LRBA: variants seen among roughly 807,000 people sequenced by gnomAD.
LRBA encodes the protein lipopolysaccharide-responsive and beige-like anchor protein.
Under a neutral mutation model 330.0 loss-of-function variants are expected in LRBA, and 176 were observed. The observed-to-expected ratio is 0.53, with a 90% CI of 0.47 to 0.60. The LOEUF is 0.60. Among genes scored for constraint, LRBA ranks in the 20% least tolerant of loss-of-function variants. LRBA has a pLI of 0.00. For missense variants in LRBA, 3,259 were observed against 3,444.8 expected (o/e 0.95, Z 1.35); for synonymous variants, 1,230 against 1,193.0 (o/e 1.03, Z -0.64).
At chr4:151,011,965 G>A (rs1024126635) in intron 2 of LRBA, among the ~76,000 whole-genome samples, 5 of 152,002 alleles carry the variant, frequency 3.3e-5, no homozygotes, top group African/African-American at 9.7e-5. Flanking sequence ...GCCACTGTGC[G>A]CAGCTGCTTC....
At chr4:150,785,053 G>T (rs1181453941) in intron 34 of LRBA, among the ~76,000 whole-genome samples, 4 of 152,200 alleles carry the variant, frequency 2.6e-5, no homozygotes, top group African/African-American at 7.2e-5. Context: ...CTGTGCGTGA[G>T]ATAAGAGTTT....
intron 36 of LRBA, among the ~76,000 whole-genome samples, chr4:150,718,797 T>A (rs138561727): frequency 3.6e-4 from 55 of 152,160 alleles, no homozygotes; most frequent in African/African-American, 1.3e-3. Flanking sequence ...AAACATAAAA[T>A]TAAATAGCTT....
At chr4:150,835,145 T>C (rs1326945475) in intron 28 of LRBA, among the ~76,000 whole-genome samples, 1 of 152,196 alleles carries the variant, frequency 6.6e-6, no homozygotes, top group African/African-American at 2.4e-5. Context: ...GAGGCCTCTG[T>C]TCTGTTCCGT....
chr4:150,966,618 G>GC (rs1738932460), intron 2 of LRBA, among the ~76,000 whole-genome samples: 1 of 151,718 alleles, frequency 6.6e-6, no homozygotes. Context: ...GAGCCACCGC[G>GC]CCCGGCCGCT....
intron 36 of LRBA, among the ~76,000 whole-genome samples, chr4:150,728,498 T>A (rs1401363393): frequency 6.6e-6 from 1 of 152,080 alleles, no homozygotes; most frequent in Admixed American, 6.6e-5. Flanking sequence ...TCATTAATCA[T>A]GACCAAGTGG....
chr4:150,915,420 T>C (rs1180471631), intron 8 of LRBA, among the ~76,000 whole-genome samples, 188 bp downstream of exon 8: 1 of 152,146 alleles, frequency 6.6e-6, no homozygotes. Context: ...TATGGAATGA[T>C]TTTATAACAA....
chr4:150,700,444 C>T (rs1249053872), intron 36 of LRBA, among the ~76,000 whole-genome samples: 1 of 152,110 alleles, frequency 6.6e-6, no homozygotes, highest in African/African-American at 2.4e-5. Context: ...AGGGCACATA[C>T]CATGAATGGA....
intron 40 of LRBA, among the ~76,000 whole-genome samples, chr4:150,539,709 G>A (rs1234622898): frequency 6.6e-6 from 1 of 152,136 alleles, no homozygotes; most frequent in Non-Finnish European, 1.5e-5. Flanking sequence ...TACATTAATT[G>A]ACCTGAACAC....
chr4:150,515,448 G>T (rs190897019), intron 40 of LRBA, among the ~76,000 whole-genome samples: 2 of 152,200 alleles, frequency 1.3e-5, no homozygotes, highest in East Asian at 3.9e-4. Context: ...ACAAATATTA[G>T]CTATGTGATC....
intron 37 of LRBA, among the ~76,000 whole-genome samples, chr4:150,607,676 T>G (rs1043458975): frequency 6.6e-6 from 1 of 151,120 alleles, no homozygotes; most frequent in Non-Finnish European, 1.5e-5. Flanking sequence ...CTGAGACAGG[T>G]GGATCACTTG....
chr4:150,710,487 T>C lies in LRBA; in HGVS notation c.5754+24771A>G, dbSNP rs76919406. Among the ~76,000 whole-genome samples, 84 of 151,838 alleles carry C rather than the reference T, an allele frequency of 5.5e-4. No homozygotes were observed. In the East Asian group the frequency reaches 0.012, roughly 21 times the overall value. ...CAGAAAGTTTTAGATAATAAACAAA[T>C]GCTAACAAAAATAGGGGGAAGAGGT... On this transcript the variant is annotated intron_variant, in intron 36 of 56. Transcript: ENST00000651943.
intron 31 of LRBA, among the ~76,000 whole-genome samples, chr4:150,812,716 G>A (rs2126745401): frequency 6.6e-6 from 1 of 152,200 alleles, no homozygotes; most frequent in Admixed American, 6.5e-5. Context: ...CTGATAAACA[G>A]ATACTGTCTA....
chr4:150,508,228 A>AT (rs1761367891), intron 40 of LRBA, among the ~76,000 whole-genome samples: 3 of 99,948 alleles, frequency 3.0e-5, no homozygotes, highest in South Asian at 7.1e-4. Flanking sequence ...AAATAATAAA[A>AT]TTTAAAAAAA....
chr4:150,435,699 T>C lies in LRBA; in HGVS notation c.6931A>G (p.Thr2311Ala), dbSNP rs1468428078. Residue 2311 changes from threonine (T) to alanine (A), a missense_variant, in exon 46 of 57, where the codon ACA becomes GCA. Coordinates refer to ENST00000651943, the MANE Select transcript of LRBA (RefSeq NM_001364905.1). ...CCTTGCAAATTTAGGAAATAAGTTG[T>C]AAAGGGTTCCTAAAAAATAGCAATT... ...LAWLLRIEPF[T>A]TYFLNLQGGK... 6.3e-7 allele frequency: 1 copy of C among 1,599,474 alleles called. No individual in the cohort carries two copies. Among genetic ancestry groups the C allele is most frequent in the African/African-American group, 1.4e-5 (1 of 74,032 alleles).
At chr4:150,328,744 G>T (rs1471318972) in intron 48 of LRBA, among the ~76,000 whole-genome samples, 1 of 152,118 alleles carries the variant, frequency 6.6e-6, no homozygotes, top group East Asian at 1.9e-4. Context: ...AGGGCAGTCA[G>T]AGGGTGGGTG....
At chr4:150,957,803 G>A (rs534869031) in intron 2 of LRBA, among the ~76,000 whole-genome samples, 45 of 149,164 alleles carry the variant, frequency 3.0e-4, no homozygotes, top group Non-Finnish European at 5.0e-4. Flanking sequence ...TACAGGTCCC[G>A]TGCAAGTCCA....
intron 40 of LRBA, among the ~76,000 whole-genome samples, chr4:150,553,284 A>C (rs1276162023): frequency 6.6e-6 from 1 of 151,852 alleles, no homozygotes; most frequent in East Asian, 1.9e-4. Flanking sequence ...ACTTGGACAC[A>C]GGGAGGGGAA....
chr4:150,989,115 G>C (rs757669181), intron 2 of LRBA, among the ~76,000 whole-genome samples: 38 of 152,022 alleles, frequency 2.5e-4, no homozygotes, highest in Non-Finnish European at 5.0e-4. Flanking sequence ...CAATTCTCCT[G>C]CCTCAGCCTC....
chr4:150,649,462 T>C (rs949344291), intron 37 of LRBA, among the ~76,000 whole-genome samples: 4 of 152,188 alleles, frequency 2.6e-5, no homozygotes, highest in African/African-American at 9.6e-5. Context: ...CAACCTGAAG[T>C]AACGCTTTTG....
Sources: allele counts gnomAD v4.1 joint callset (sites outside exome capture counted in the v4.1 genomes callset), GRCh38; gene constraint gnomAD v4.1.1; transcripts MANE v1.5; gene names NCBI Gene and HGNC (gene_info 2026-07-23, HGNC 2026-07-21).